The following MYO3B variants were observed in gnomAD, a reference collection of about 807,000 sequenced individuals.
MYO3B encodes myosin-IIIb.
In MYO3B, 156 loss-of-function variants were observed where a neutral mutation model predicts 174.6. The ratio of observed to expected loss-of-function variants is 0.89; its 90% CI spans 0.78 to 1.02. The LOEUF (loss-of-function observed/expected upper bound fraction) is 1.02, where lower values mean the gene tolerates loss of function less well. Ranked by LOEUF, MYO3B falls within the 50% of genes least tolerant of loss-of-function variation. The pLI is 0.00. For missense variants in MYO3B, 1,632 were observed against 1,639.4 expected (o/e 1.00, Z 0.08); for synonymous variants, 563 against 569.1 (o/e 0.99, Z 0.15).
chr2:170,627,186 A>G (rs1287593811), intron 32 of MYO3B, among the ~76,000 whole-genome samples: 1 of 152,178 alleles, frequency 6.6e-6, no homozygotes, highest in Non-Finnish European at 1.5e-5. Context: ...CTTCAGGTAC[A>G]CCAATCAGAT....
chr2:170,571,075 T>G (rs887797147), intron 32 of MYO3B, among the ~76,000 whole-genome samples: 1 of 152,240 alleles, frequency 6.6e-6, no homozygotes, highest in Non-Finnish European at 1.5e-5. Flanking sequence ...AGATTTAATT[T>G]TTCAGGCTAG....
At chr2:170,227,833 T>C (rs770382411) in intron 6 of MYO3B, among the ~76,000 whole-genome samples, 1 of 152,168 alleles carries the variant, frequency 6.6e-6, no homozygotes, top group African/African-American at 2.4e-5. Context: ...TAGTTTCTGA[T>C]TGGGTGCTCT....
In MYO3B at chr2:170,360,757, A is replaced by T. The variant is rs376511729; in HGVS notation, c.816-8465A>T. 3.9e-4 allele frequency among the ~76,000 whole-genome samples: 59 copies of T among 152,318 alleles called. No homozygotes were observed. The East Asian group carries it at 4.1e-3, about 10-fold the overall frequency. On this transcript the variant is annotated intron_variant, in intron 8 of 34. Transcript: ENST00000408978. ...ATTAAGTACTGGATAAACAGGCTTGAAGGAGAGGCAGTTAGTCTCTTCTTG... is the reference window on the plus strand; with the variant it reads ...ATTAAGTACTGGATAAACAGGCTTGTAGGAGAGGCAGTTAGTCTCTTCTTG...
intron 22 of MYO3B, among the ~76,000 whole-genome samples, chr2:170,417,242 G>A (rs916640159): frequency 2.6e-5 from 4 of 152,024 alleles, no homozygotes; most frequent in Non-Finnish European, 4.4e-5. Flanking sequence ...CACATCATCT[G>A]TTTAACTGTC....
At chr2:170,186,717 G>A (rs2092469274) in intron 1 of MYO3B, among the ~76,000 whole-genome samples, 3 of 152,136 alleles carry the variant, frequency 2.0e-5, no homozygotes, top group Admixed American at 2.0e-4. Flanking sequence ...TTCTTTAAAT[G>A]TTTAGTAAAA....
chr2:170,350,104 C>T (rs1373009435), intron 8 of MYO3B, among the ~76,000 whole-genome samples: 1 of 151,942 alleles, frequency 6.6e-6, no homozygotes, highest in Non-Finnish European at 1.5e-5. Context: ...CAGGGTGAAG[C>T]AATCCTCTTC....
rs749671311 is a variant in MYO3B, at chr2:170,392,364, T to C, written c.1677-17T>C. 3 of 1,550,716 alleles carry C rather than the reference T, an allele frequency of 1.9e-6. No individual in the cohort carries two copies. Among genetic ancestry groups the C allele is most frequent in the South Asian group, 2.4e-5 (2 of 84,010 alleles). On this transcript the variant is annotated splice_polypyrimidine_tract_variant and intron_variant, in intron 15 of 34. Coordinates refer to ENST00000408978, the MANE Select transcript of MYO3B (RefSeq NM_138995.5). ...AGTCAGTGCTCATTCTGTTTGGTCA[T>C]GCTCCACTTCATTTAGGTACATAGC...
intron 7 of MYO3B, among the ~76,000 whole-genome samples, chr2:170,256,515 G>C (rs1324326520): frequency 1.3e-5 from 2 of 152,076 alleles, no homozygotes; most frequent in African/African-American, 4.8e-5. Flanking sequence ...TTCTAACCAA[G>C]AATTTCATAT....
intron 9 of MYO3B, among the ~76,000 whole-genome samples, chr2:170,371,494 A>T (rs992105259): frequency 2.6e-5 from 4 of 152,178 alleles, no homozygotes; most frequent in Non-Finnish European, 5.9e-5. Context: ...GGATGTGGGA[A>T]AATTAATTCC....
chr2:170,454,833 G>T (rs1195970043), intron 23 of MYO3B, among the ~76,000 whole-genome samples: 3 of 152,128 alleles, frequency 2.0e-5, no homozygotes, highest in Non-Finnish European at 4.4e-5. Flanking sequence ...GAGAATTTGG[G>T]GATCTGAATT....
intron 32 of MYO3B, among the ~76,000 whole-genome samples, chr2:170,566,692 A>G (rs2106266554): frequency 6.6e-6 from 1 of 152,290 alleles, no homozygotes; most frequent in Admixed American, 6.5e-5. Context: ...AGAAAGCTCA[A>G]ATTTTAAAAA....
intron 1 of MYO3B, among the ~76,000 whole-genome samples, chr2:170,180,684 C>T (rs182938653): frequency 4.1e-4 from 62 of 152,258 alleles, no homozygotes; most frequent in Non-Finnish European, 8.1e-4. Flanking sequence ...ATAAATTTCT[C>T]TCTTTTCCAA....
intron 28 of MYO3B, among the ~76,000 whole-genome samples, chr2:170,502,090 C>T (rs906461878): frequency 1.3e-5 from 2 of 152,162 alleles, no homozygotes; most frequent in African/African-American, 4.8e-5. Flanking sequence ...GATGCTCTGA[C>T]TGGGTTCTCT....
At chr2:170,230,365 T>TTTTTTTTTTTTTTTTGGA (rs1559318980) in intron 6 of MYO3B, among the ~76,000 whole-genome samples, 4 of 140,852 alleles carry the variant, frequency 2.8e-5, no homozygotes, top group African/African-American at 1.2e-4. Flanking sequence ...TTTTTTTTAG[T>TTTTTTTTTTTTTTTTGGA]AGAGACGGGG....
intron 8 of MYO3B, among the ~76,000 whole-genome samples, chr2:170,356,208 A>G (rs1219097043): frequency 6.6e-6 from 1 of 151,610 alleles, no homozygotes; most frequent in Non-Finnish European, 1.5e-5. Context: ...TGATCCGCCC[A>G]CCTCGGCCTC....
chr2:170,408,882 G>A (rs1432583864), intron 22 of MYO3B, among the ~76,000 whole-genome samples: 3 of 152,090 alleles, frequency 2.0e-5, no homozygotes, highest in African/African-American at 7.2e-5. Flanking sequence ...CCCATCAGAA[G>A]GCTGCCCTCC....
intron 9 of MYO3B, among the ~76,000 whole-genome samples, chr2:170,378,558 ATC>A (rs1397519132): frequency 1.3e-5 from 2 of 152,210 alleles, no homozygotes; most frequent in Non-Finnish European, 2.9e-5. Context: ...TTTTACAAGA[ATC>A]AAGCTCAGAT....
At position 170,558,304 on chromosome 2, in the gene MYO3B, A is replaced by AG. The variant is rs201953386; in HGVS notation, c.3733+14316_3733+14317insG. Among the ~76,000 whole-genome samples, 1,288 of 133,898 alleles carry AG rather than the reference A, an allele frequency of 9.6e-3. 25 individuals carry two copies. Among genetic ancestry groups the AG allele is most frequent in the African/African-American group, 0.034 (1,222 of 36,330 alleles). The allele number at this position is 133,898 out of a possible 152,430, so 87.8% of individuals were successfully genotyped here. On this transcript the variant is annotated intron_variant, in intron 32 of 34. Transcript: ENST00000408978. ...ACAGACAGAGTGAGACTCTGTCTCC[A>AG]AAAAAAAAAAAATGCTTAAAACGAA...
At chr2:170,444,087 G>A in intron 23 of MYO3B, 41 bp downstream of exon 23, 2 of 1,550,066 alleles carry the variant, frequency 1.3e-6, no homozygotes, top group Non-Finnish European at 1.8e-6. Context: ...TGGACTGGCA[G>A]GTACTCTTGA....
Sources: allele counts gnomAD v4.1 joint callset (sites outside exome capture counted in the v4.1 genomes callset), GRCh38; gene constraint gnomAD v4.1.1; transcripts MANE v1.5; gene names NCBI Gene and HGNC (gene_info 2026-07-23, HGNC 2026-07-21).